The following MMP26 variants were observed in gnomAD, a reference collection of about 807,000 sequenced individuals.
The protein encoded by MMP26 is matrix metalloproteinase-26.
In MMP26, 33 loss-of-function variants were observed where a neutral mutation model predicts 31.0. The observed-to-expected ratio is 1.06, with a 90% CI of 0.81 to 1.42. The LOEUF (loss-of-function observed/expected upper bound fraction) is 1.42, where lower values mean the gene tolerates loss of function less well. MMP26 is among the 40% of genes most tolerant of loss of function. The pLI, the probability that MMP26 is intolerant of heterozygous loss-of-function variation, is 0.00. For synonymous variants in MMP26, 122 were observed against 114.9 expected, an observed-to-expected ratio of 1.06 and a Z score of -0.40; for missense variants, 347 against 316.1, an observed-to-expected ratio of 1.10 and a Z score of -0.74.
rs1307713471 is a variant in MMP26 at position 4,841,137 on chromosome 11, A to G, written c.-145+73796A>G. On this transcript the variant is annotated intron_variant, in intron 2 of 7. Transcript: ENST00000380390. Reference sequence around the variant, plus strand: ...AGCCAGAGGAGACAAAACAAAAAAGAATAAAAAACAACAAAGCGTACTTAC... The same window carrying G: ...AGCCAGAGGAGACAAAACAAAAAAGGATAAAAAACAACAAAGCGTACTTAC... Among the ~76,000 whole-genome samples the G allele has an allele frequency of 2.0e-5, 3 of 152,178 alleles. No individual in the cohort carries two copies. The East Asian group carries it at 5.8e-4, about 29-fold the overall frequency.
chr11:4,983,783 C>T (rs1846848084), intron 2 of MMP26, among the ~76,000 whole-genome samples: 1 of 152,170 alleles, frequency 6.6e-6, no homozygotes, highest in Non-Finnish European at 1.5e-5. Context: ...CTCATAACTA[C>T]TTAAAAAGTT....
At chr11:4,886,689 T>C (rs1296819757) in intron 2 of MMP26, among the ~76,000 whole-genome samples, 2 of 151,858 alleles carry the variant, frequency 1.3e-5, no homozygotes, top group African/African-American at 4.8e-5. Flanking sequence ...TTAGTTTCTA[T>C]CATCTGACCC....
rs1056599860 is a variant in MMP26, at chr11:4,967,221, T to C, written c.-144-20847T>C. Among the ~76,000 whole-genome samples, 5 of 152,168 alleles carry C rather than the reference T, an allele frequency of 3.3e-5. 1 individual carries two copies. Among genetic ancestry groups the C allele is most frequent in the Admixed American group, 2.0e-4 (3 of 15,270 alleles). ...AGAAGAAAGTAAAAGTGGTACTCAA[T>C]AAGGGAGTACTGTAATTTCCCAGTG... On this transcript the variant is annotated intron_variant, in intron 2 of 7. Coordinates refer to ENST00000380390, the MANE Select transcript of MMP26 (RefSeq NM_021801.5).
chr11:4,786,752 C>T (rs1848952330), intron 2 of MMP26: 1 of 152,376 alleles, frequency 6.6e-6, no homozygotes, highest in Non-Finnish European at 1.5e-5. Context: ...AACCAGCTCA[C>T]CATGCCACAC....
chr11:4,961,111 G>A (rs1033509051), intron 2 of MMP26, among the ~76,000 whole-genome samples: 2 of 152,130 alleles, frequency 1.3e-5, no homozygotes, highest in African/African-American at 2.4e-5. Flanking sequence ...CTAAAGAGCC[G>A]AGATCTCAAG....
chr11:4,815,990 C>G (rs7925686), intron 2 of MMP26, among the ~76,000 whole-genome samples: 17,509 of 152,210 alleles, frequency 0.12, 1,111 homozygotes, highest in Middle Eastern at 0.17. Flanking sequence ...TCTTTCTACT[C>G]TTTTTGATGT....
intron 2 of MMP26, chr11:4,821,784 C>G: frequency 1.9e-6 from 3 of 1,613,316 alleles, no homozygotes; most frequent in Non-Finnish European, 2.5e-6. Flanking sequence ...TGGCCATGGC[C>G]TTTGATCGTT....
chr11:4,768,888 C>T, intron 2 of MMP26: 2 of 690,072 alleles, frequency 2.9e-6, no homozygotes, highest in Non-Finnish European at 4.6e-6. Flanking sequence ...ATTTTAAAAA[C>T]CCACATGCAA....
chr11:4,723,878 T>C, intron 1 of MMP26: 1 of 1,217,400 alleles, frequency 8.2e-7, no homozygotes, highest in African/African-American at 1.5e-5. Context: ...AACTAGCTGT[T>C]GAGGGTCTTG....
rs200547969 is a variant in MMP26, at chr11:4,908,121, A to G, written c.-144-79947A>G. 228 of 1,614,060 alleles carry G rather than the reference A, an allele frequency of 1.4e-4. No individual in the cohort carries two copies. Among genetic ancestry groups the G allele is most frequent in the Non-Finnish European group, 1.8e-4 (216 of 1,180,040 alleles). On this transcript the variant is annotated intron_variant, in intron 2 of 7. Transcript: ENST00000380390. ...CACATCTGTGCTGTGCTCACCTTCT[A>G]TGTGCCCATCATCACCCTGGCTGCC...
chr11:4,769,374 A>T lies in MMP26; in HGVS notation c.-145+2033A>T. 1.2e-5 allele frequency: 19 copies of T among 1,614,048 alleles called. No homozygotes were observed. The highest frequency in any genetic ancestry group is 1.6e-5 in the Non-Finnish European group (19 of 1,179,872). On this transcript the variant is annotated intron_variant, in intron 2 of 7. Coordinates refer to ENST00000380390, the MANE Select transcript of MMP26 (RefSeq NM_021801.5). Reference sequence around the variant, plus strand: ...GCTAATTGAATCACATCTGGATGGTAACAATAGGAGTGAGAAAGGGCATTC... The same window carrying T: ...GCTAATTGAATCACATCTGGATGGTTACAATAGGAGTGAGAAAGGGCATTC...
intron 2 of MMP26, among the ~76,000 whole-genome samples, chr11:4,852,616 T>C (rs1589919813): frequency 6.6e-6 from 1 of 152,274 alleles, no homozygotes; most frequent in Non-Finnish European, 1.5e-5. Flanking sequence ...ACATTGTTGG[T>C]AGGAGTATAA....
chr11:4,769,682 G>C, intron 2 of MMP26: 1 of 1,612,808 alleles, frequency 6.2e-7, no homozygotes, highest in Non-Finnish European at 8.5e-7. Flanking sequence ...TGTTGACAAT[G>C]AAGAAACAGT....
intron 2 of MMP26, among the ~76,000 whole-genome samples, chr11:4,902,334 C>A (rs905922070): frequency 1.3e-5 from 2 of 149,428 alleles, no homozygotes; most frequent in Non-Finnish European, 2.9e-5. Flanking sequence ...AATCTGTTTT[C>A]TAGAATCTTT....
intron 2 of MMP26, chr11:4,821,254 G>T: frequency 1.4e-6 from 1 of 728,272 alleles, no homozygotes; most frequent in East Asian, 2.6e-5. Context: ...CAGACTTGGA[G>T]AGAAATGTGT....
At chr11:4,855,448 G>T (rs907040862) in intron 2 of MMP26, among the ~76,000 whole-genome samples, 1 of 152,120 alleles carries the variant, frequency 6.6e-6, no homozygotes, top group Non-Finnish European at 1.5e-5. Context: ...TAGACGATTC[G>T]ATCAAGTGGA....
chr11:4,871,482 G>T (rs1400530363), intron 2 of MMP26, among the ~76,000 whole-genome samples: 1 of 152,078 alleles, frequency 6.6e-6, no homozygotes, highest in African/African-American at 2.4e-5. Flanking sequence ...ATAATTCTGC[G>T]TTTGGATGGG....
chr11:4,931,191 G>A (rs1851341704), intron 2 of MMP26, among the ~76,000 whole-genome samples: 1 of 152,078 alleles, frequency 6.6e-6, no homozygotes, highest in East Asian at 1.9e-4. Context: ...GGATGAGTAT[G>A]AAGAGCAAAG....
At chr11:4,987,951 C>T (rs1846930310) in intron 2 of MMP26, 117 bp from the exon 3 acceptor site, 2 of 509,114 alleles carry the variant, frequency 3.9e-6, no homozygotes, top group Non-Finnish European at 7.1e-6. Context: ...ACCTGTATTT[C>T]CTTAACCAGG....
Sources: gnomAD v4.1 joint callset for allele counts (sites outside exome capture counted in the v4.1 genomes callset) on GRCh38, gnomAD v4.1.1 for gene constraint, MANE v1.5 for transcripts, NCBI Gene and HGNC (gene_info 2026-07-23, HGNC 2026-07-21) for gene names.